Variants in CDKAL1 observed in about 807,000 individuals in gnomAD.
CDKAL1 encodes threonylcarbamoyladenosine tRNA methylthiotransferase.
CDKAL1 carries 32 observed loss-of-function variants against 68.2 expected under a neutral mutation model. That is an observed-to-expected ratio of 0.47 (90% confidence interval 0.35 to 0.63). The LOEUF (loss-of-function observed/expected upper bound fraction) is 0.63, where lower values mean the gene tolerates loss of function less well. CDKAL1 is among the 30% of genes least tolerant of loss of function. The pLI is 0.00. For synonymous variants in CDKAL1, 234 were observed against 244.3 expected (o/e 0.96, Z 0.39); for missense variants, 606 against 696.7 (o/e 0.87, Z 1.47).
At chr6:20,545,239 A>G (rs1763551857) in intron 2 of CDKAL1, among the ~76,000 whole-genome samples, 1 of 151,778 alleles carries the variant, frequency 6.6e-6, no homozygotes, top group African/African-American at 2.4e-5. Flanking sequence ...TGTTTTATAT[A>G]TAATGTCCAG....
intron 9 of CDKAL1, among the ~76,000 whole-genome samples, chr6:20,924,409 C>T (rs1763093938): frequency 6.6e-6 from 1 of 151,830 alleles, no homozygotes; most frequent in Non-Finnish European, 1.5e-5. Context: ...CAAAAGCCGG[C>T]AGGCTGAAAG....
At chr6:20,548,540 A>G in intron 3 of CDKAL1, 53 bp from the exon 4 acceptor site, 1 of 868,238 alleles carries the variant, frequency 1.2e-6, no homozygotes. Flanking sequence ...ATCAAAAAAA[A>G]AAAAAATCAC....
chr6:20,973,203 C>T (rs1765676503), intron 10 of CDKAL1, among the ~76,000 whole-genome samples: 2 of 151,994 alleles, frequency 1.3e-5, no homozygotes, highest in African/African-American at 4.8e-5. Flanking sequence ...ATAAAAGGTG[C>T]TCAAGAGTTA....
intron 10 of CDKAL1, among the ~76,000 whole-genome samples, chr6:20,991,916 AG>A (rs1766832237): frequency 6.6e-6 from 1 of 151,180 alleles, no homozygotes; most frequent in African/African-American, 2.4e-5. Context: ...AAACAATAAA[AG>A]TAGGAATTTT....
intron 9 of CDKAL1, among the ~76,000 whole-genome samples, chr6:20,911,764 C>T (rs1285674267): frequency 4.6e-5 from 7 of 152,218 alleles, no homozygotes; most frequent in Non-Finnish European, 7.3e-5. Flanking sequence ...GTGTCTTCCC[C>T]AACCTCTGAG....
intron 12 of CDKAL1, among the ~76,000 whole-genome samples, chr6:21,083,064 T>C (rs1403908172): frequency 6.6e-6 from 1 of 151,876 alleles, no homozygotes; most frequent in African/African-American, 2.4e-5. Flanking sequence ...CAGGATCTTG[T>C]CATGTTGCCC....
rs1561752471 is a variant in CDKAL1, at chr6:20,758,576, CGTT to C, written c.469-18_469-16del. 1 of 1,558,286 alleles carries C rather than the reference CGTT, an allele frequency of 6.4e-7. No individual in the cohort carries two copies. The highest frequency in any genetic ancestry group is 1.2e-5 in the South Asian group (1 of 84,210). On this transcript the variant is annotated splice_polypyrimidine_tract_variant and intron_variant, in intron 6 of 15. Transcript: ENST00000274695. ...TCTTCGTGTAAATTACTTGTGTAAT[CGTT>C]TTTTTTTTTTTCCAGGTTCAGCAGA...
intron 8 of CDKAL1, among the ~76,000 whole-genome samples, chr6:20,792,784 A>G (rs1242569035): frequency 6.6e-6 from 1 of 152,250 alleles, no homozygotes; most frequent in Non-Finnish European, 1.5e-5. Context: ...CTGAAAATGT[A>G]CTAAGTGCAA....
intron 4 of CDKAL1, among the ~76,000 whole-genome samples, chr6:20,607,985 G>A (rs1017129476): frequency 1.3e-5 from 2 of 152,072 alleles, no homozygotes; most frequent in Non-Finnish European, 2.9e-5. Context: ...ATGAGCCACT[G>A]CACCCAGCCC....
At chr6:21,173,605 C>T (rs1222854320) in intron 13 of CDKAL1, among the ~76,000 whole-genome samples, 1 of 152,132 alleles carries the variant, frequency 6.6e-6, no homozygotes, top group Non-Finnish European at 1.5e-5. Flanking sequence ...CTACTGTGCT[C>T]GAGGACCTGT....
At chr6:20,675,689 A>G (rs28890810) in intron 5 of CDKAL1, among the ~76,000 whole-genome samples, 14,073 of 152,238 alleles carry the variant, frequency 0.092, 2,089 homozygotes, top group African/African-American at 0.31. Flanking sequence ...AATCGTGTAC[A>G]TACATAATAC....
intron 15 of CDKAL1, among the ~76,000 whole-genome samples, chr6:21,226,292 T>G (rs1213878823): frequency 2.0e-5 from 3 of 152,276 alleles, no homozygotes; most frequent in Admixed American, 6.5e-5. Flanking sequence ...AAGTTTTTTT[T>G]TTTTTTTTTT....
At chr6:20,862,636 TGTG>T (rs534799834) in intron 9 of CDKAL1, among the ~76,000 whole-genome samples, 1,105 of 9,488 alleles carry the variant, frequency 0.12, 23 homozygotes, top group African/African-American at 0.17. Context: ...CTTTCCAACT[TGTG>T]TGTGTGTGTG....
chr6:20,659,868 TA>T (rs1335112417), intron 5 of CDKAL1, among the ~76,000 whole-genome samples: 3 of 152,094 alleles, frequency 2.0e-5, no homozygotes, highest in Non-Finnish European at 4.4e-5. Context: ...CAAGGGTTTT[TA>T]AAAAAAATTT....
At chr6:20,688,623 T>C (rs753815045) in intron 5 of CDKAL1, among the ~76,000 whole-genome samples, 3 of 152,230 alleles carry the variant, frequency 2.0e-5, no homozygotes, top group Non-Finnish European at 4.4e-5. Context: ...AATTTCTTTT[T>C]GTCTGTTTAC....
intron 13 of CDKAL1, among the ~76,000 whole-genome samples, chr6:21,116,051 G>A (rs1302709663): frequency 6.6e-6 from 1 of 152,080 alleles, no homozygotes; most frequent in Non-Finnish European, 1.5e-5. Context: ...GATTTGAGTA[G>A]CAGATTATGT....
intron 9 of CDKAL1, among the ~76,000 whole-genome samples, chr6:20,912,603 A>G (rs931127394): frequency 2.6e-5 from 4 of 152,228 alleles, no homozygotes; most frequent in African/African-American, 4.8e-5. Flanking sequence ...TGGATGCCCA[A>G]GTGTTCAAAT....
At chr6:20,720,745 C>T (rs1231935717) in intron 5 of CDKAL1, among the ~76,000 whole-genome samples, 3 of 152,148 alleles carry the variant, frequency 2.0e-5, no homozygotes, top group African/African-American at 2.4e-5. Context: ...AGTGATCTGC[C>T]CACCTCTGCC....
intron 6 of CDKAL1, among the ~76,000 whole-genome samples, chr6:20,743,257 C>T (rs1465297744): frequency 6.6e-6 from 1 of 152,144 alleles, no homozygotes; most frequent in African/African-American, 2.4e-5. Context: ...GGAAGAACAA[C>T]TGTAACTGCA....
Sources: allele counts gnomAD v4.1 joint callset (sites outside exome capture counted in the v4.1 genomes callset), GRCh38; gene constraint gnomAD v4.1.1; transcripts MANE v1.5; gene names NCBI Gene and HGNC (gene_info 2026-07-23, HGNC 2026-07-21).